MDFIC: variants seen among roughly 807,000 people sequenced by gnomAD.
MDFIC encodes the protein myoD family inhibitor domain-containing protein.
In MDFIC, 17 loss-of-function variants were observed where a neutral mutation model predicts 23.2. The observed-to-expected ratio is 0.73, with a 90% CI of 0.50 to 1.10. MDFIC has a LOEUF of 1.10. Among genes scored for constraint, MDFIC ranks in the 50% least tolerant of loss-of-function variants. The pLI is 0.00. For missense variants in MDFIC, 356 were observed against 316.6 expected (o/e 1.12, Z -0.95); for synonymous variants, 120 against 115.2 (o/e 1.04, Z -0.27).
chr7:114,997,773 G>A (rs78040089), intron 4 of MDFIC, among the ~76,000 whole-genome samples: 20 of 141,842 alleles, frequency 1.4e-4, no homozygotes, highest in East Asian at 1.0e-3. Flanking sequence ...AAAAAGAAAA[G>A]AAAAGAAAAG....
At chr7:114,924,308 G>A (rs1004997450) in intron 2 of MDFIC, among the ~76,000 whole-genome samples, 1 of 152,196 alleles carries the variant, frequency 6.6e-6, no homozygotes, top group African/African-American at 2.4e-5. Flanking sequence ...CATGCCCTTA[G>A]TAGTCATATC....
chr7:114,945,110 T>C (rs1419580440), intron 3 of MDFIC, among the ~76,000 whole-genome samples: 1 of 152,246 alleles, frequency 6.6e-6, no homozygotes, highest in Non-Finnish European at 1.5e-5. Context: ...GACTTCTTTT[T>C]CTTTATTCTT....
chr7:114,980,367 ACCT>A (rs1458708377), intron 4 of MDFIC, among the ~76,000 whole-genome samples: 3 of 151,832 alleles, frequency 2.0e-5, no homozygotes, highest in African/African-American at 4.8e-5. Flanking sequence ...TCTGGTCTTC[ACCT>A]CCTCCTTTAG....
chr7:114,995,543 T>G (rs1176109571), intron 4 of MDFIC, among the ~76,000 whole-genome samples: 1 of 152,226 alleles, frequency 6.6e-6, no homozygotes, highest in East Asian at 1.9e-4. Context: ...TCCTTTCTTT[T>G]TGGTAGTTTT....
intron 3 of MDFIC, among the ~76,000 whole-genome samples, chr7:114,975,298 A>G (rs1049594273): frequency 4.6e-5 from 7 of 152,084 alleles, no homozygotes; most frequent in Non-Finnish European, 8.8e-5. Flanking sequence ...ATTCAAAACA[A>G]CTCATAAGTT....
chr7:114,939,849 G>T (rs1004786481), intron 2 of MDFIC, among the ~76,000 whole-genome samples: 1 of 152,152 alleles, frequency 6.6e-6, no homozygotes, highest in African/African-American at 2.4e-5. Flanking sequence ...ATTTCATTCA[G>T]CTTCAATTAA....
At chr7:114,959,729 A>T (rs1191873731) in intron 3 of MDFIC, among the ~76,000 whole-genome samples, 2 of 151,998 alleles carry the variant, frequency 1.3e-5, no homozygotes, top group Non-Finnish European at 2.9e-5. Flanking sequence ...GGCGTCAGTG[A>T]CTATAGATAC....
chr7:115,010,961 A>G (rs1791669875), intron 4 of MDFIC, among the ~76,000 whole-genome samples: 2 of 152,252 alleles, frequency 1.3e-5, no homozygotes, highest in Non-Finnish European at 2.9e-5. Context: ...AAAATTCAGA[A>G]TAATTTTTTA....
intron 3 of MDFIC, among the ~76,000 whole-genome samples, chr7:114,972,258 T>C (rs1793219210): frequency 6.6e-6 from 1 of 152,194 alleles, no homozygotes; most frequent in Non-Finnish European, 1.5e-5. Context: ...CTATTTATTT[T>C]TGCCAATATC....
At chr7:114,945,763 T>C (rs2115781535) in intron 3 of MDFIC, among the ~76,000 whole-genome samples, 1 of 152,320 alleles carries the variant, frequency 6.6e-6, no homozygotes, top group East Asian at 1.9e-4. Flanking sequence ...ATCAAATTAG[T>C]AAAGAATTAA....
At chr7:114,983,881 A>G (rs1436837114) in intron 4 of MDFIC, among the ~76,000 whole-genome samples, 1 of 152,124 alleles carries the variant, frequency 6.6e-6, no homozygotes, top group African/African-American at 2.4e-5. Context: ...AGTGCCTTCT[A>G]TGTGCTACTT....
At chr7:114,981,620 G>C (rs934588380) in intron 4 of MDFIC, among the ~76,000 whole-genome samples, 3 of 152,176 alleles carry the variant, frequency 2.0e-5, no homozygotes, top group Non-Finnish European at 4.4e-5. Flanking sequence ...GTTCCAGATT[G>C]GGTTGGAGAC....
intron 2 of MDFIC, chr7:114,934,052 T>G (rs964572511): frequency 3.3e-5 from 5 of 152,236 alleles, no homozygotes; most frequent in African/African-American, 9.6e-5. Flanking sequence ...GAATTTATTT[T>G]ATCAGCTTCT....
In MDFIC at chr7:115,017,798, A is replaced by C. The variant is rs1436529601; in HGVS notation, c.*1863A>C. Reference sequence around the variant, plus strand: ...AATTTTGAAAGTATGCTTTGGGATTAATAATTATTTTTAATTTTTCTGGCT... The same window carrying C: ...AATTTTGAAAGTATGCTTTGGGATTCATAATTATTTTTAATTTTTCTGGCT... On this transcript the variant is annotated 3_prime_UTR_variant, in exon 5 of 5. Transcript: ENST00000393486. 1.3e-5 allele frequency: 2 copies of C among 152,208 alleles called. No homozygotes were observed. The highest frequency in any genetic ancestry group is 2.9e-5 in the Non-Finnish European group (2 of 67,912). The allele number at this position is 152,208 out of a possible 1,614,324, so 9.4% of individuals were successfully genotyped here.
At chr7:114,958,374 CTCT>C (rs746392717) in intron 3 of MDFIC, among the ~76,000 whole-genome samples, 10 of 152,190 alleles carry the variant, frequency 6.6e-5, no homozygotes, top group Non-Finnish European at 1.3e-4. Flanking sequence ...AAAATACGCT[CTCT>C]TCTTATTTTT....
rs865987863 is a variant in MDFIC at position 114,983,104 on chromosome 7, T to C, written c.493+3323T>C. ...TAGTACAAGGCTTTTCTCAGTTTTATGACTGTTCTGCTTCACATTTTTGTT... is the reference window on the plus strand; with the variant it reads ...TAGTACAAGGCTTTTCTCAGTTTTACGACTGTTCTGCTTCACATTTTTGTT... On this transcript the variant is annotated intron_variant, in intron 4 of 4. Transcript: ENST00000393486. Among the ~76,000 whole-genome samples the C allele has an allele frequency of 6.6e-5, 10 of 152,360 alleles. No homozygotes were observed. In the South Asian group the frequency reaches 2.1e-3, roughly 32 times the overall value.
intron 3 of MDFIC, among the ~76,000 whole-genome samples, chr7:114,957,649 A>G (rs1792909166): frequency 6.6e-6 from 1 of 152,204 alleles, no homozygotes; most frequent in African/African-American, 2.4e-5. Context: ...CTGATGAAGC[A>G]TATACTTTGG....
chr7:114,965,007 G>A (rs1360076101), intron 3 of MDFIC, among the ~76,000 whole-genome samples: 1 of 152,208 alleles, frequency 6.6e-6, no homozygotes, highest in Non-Finnish European at 1.5e-5. Flanking sequence ...ATACAGTTTG[G>A]TGGAGAGGAC....
intron 3 of MDFIC, among the ~76,000 whole-genome samples, chr7:114,960,194 G>A (rs868317563): frequency 1.3e-5 from 2 of 152,082 alleles, no homozygotes; most frequent in South Asian, 4.1e-4. Flanking sequence ...TATGAAAATC[G>A]AAATGGAAAT....
Sources: allele counts gnomAD v4.1 joint callset (sites outside exome capture counted in the v4.1 genomes callset), GRCh38; gene constraint gnomAD v4.1.1; transcripts MANE v1.5; gene names NCBI Gene and HGNC (gene_info 2026-07-23, HGNC 2026-07-21).